Variants in KAZN observed in about 807,000 individuals in gnomAD.
KAZN encodes the protein kazrin.
KAZN carries 40 observed loss-of-function variants against 87.4 expected under a neutral mutation model. That is an observed-to-expected ratio of 0.46 (90% CI 0.36 to 0.60). The LOEUF (loss-of-function observed/expected upper bound fraction) is 0.60. Among genes scored for constraint, KAZN ranks in the 20% least tolerant of loss-of-function variants. The pLI is 0.00. For missense variants in KAZN, 898 were observed against 1,073.9 expected (o/e 0.84, Z 2.29); for synonymous variants, 466 against 458.3 (o/e 1.02, Z -0.22).
chr1:14,601,730 T>C (rs943415591), intron 1 of KAZN, among the ~76,000 whole-genome samples: 5 of 152,226 alleles, frequency 3.3e-5, no homozygotes, highest in African/African-American at 1.2e-4. Flanking sequence ...GTTTTCATTT[T>C]GTCTGTGTTG....
intron 1 of KAZN, among the ~76,000 whole-genome samples, chr1:14,030,976 T>C (rs1641304308): frequency 6.6e-6 from 1 of 152,242 alleles, no homozygotes; most frequent in African/African-American, 2.4e-5. Flanking sequence ...CATGAATTTC[T>C]TTATGTCTTT....
chr1:14,285,184 G>A (rs74057149), intron 2 of KAZN, among the ~76,000 whole-genome samples: 4,260 of 152,288 alleles, frequency 0.028, 197 homozygotes, highest in African/African-American at 0.096. Flanking sequence ...CAAGTTTAGA[G>A]GATTGTTGGG....
chr1:14,639,648 C>A (rs1680273188), intron 1 of KAZN, among the ~76,000 whole-genome samples: 1 of 152,074 alleles, frequency 6.6e-6, no homozygotes, highest in African/African-American at 2.4e-5. Flanking sequence ...TTGTAAACTT[C>A]AGCAATTTTT....
chr1:14,956,465 G>A (rs1663120249), intron 1 of KAZN, among the ~76,000 whole-genome samples: 2 of 151,984 alleles, frequency 1.3e-5, no homozygotes, highest in South Asian at 2.1e-4. Flanking sequence ...CCCAGGCGTG[G>A]TGGCGGGTTT....
intron 2 of KAZN, among the ~76,000 whole-genome samples, chr1:14,271,078 G>T (rs1557606855): frequency 6.6e-6 from 1 of 152,206 alleles, no homozygotes; most frequent in African/African-American, 2.4e-5. Context: ...CAGCAGGGTT[G>T]GCTACTCCGA....
chr1:14,669,243 G>A (rs1639765832), intron 1 of KAZN, among the ~76,000 whole-genome samples: 1 of 152,232 alleles, frequency 6.6e-6, no homozygotes, highest in East Asian at 1.9e-4. Flanking sequence ...CTGAAAAGGG[G>A]CCGTCTGGGC....
At chr1:14,646,157 G>A (rs570541178) in intron 1 of KAZN, among the ~76,000 whole-genome samples, 8 of 152,216 alleles carry the variant, frequency 5.3e-5, no homozygotes, top group South Asian at 2.1e-4. Context: ...GATAGACCCC[G>A]GCCATATCCT....
intron 2 of KAZN, among the ~76,000 whole-genome samples, chr1:14,972,414 C>T (rs747536762): frequency 1.3e-5 from 2 of 152,118 alleles, no homozygotes; most frequent in African/African-American, 2.4e-5. Flanking sequence ...AGGTCCAAGG[C>T]GGCTGTGGAC....
intron 1 of KAZN, among the ~76,000 whole-genome samples, chr1:14,607,837 G>T (rs1375031177): frequency 6.6e-6 from 1 of 152,174 alleles, no homozygotes; most frequent in Non-Finnish European, 1.5e-5. Flanking sequence ...AACTGGGGAG[G>T]CAGAGTGACT....
chr1:14,558,948 T>G (rs1674085637), intron 2 of KAZN, among the ~76,000 whole-genome samples: 1 of 152,196 alleles, frequency 6.6e-6, no homozygotes, highest in African/African-American at 2.4e-5. Context: ...ACCTTTCTCA[T>G]CTTTCCTCCT....
chr1:14,434,159 A>G (rs1666245164), intron 2 of KAZN, among the ~76,000 whole-genome samples: 1 of 152,002 alleles, frequency 6.6e-6, no homozygotes, highest in African/African-American at 2.4e-5. Context: ...AGACCCCACT[A>G]GGATCCATTT....
chr1:14,858,005 T>G (rs1650332591), intron 1 of KAZN, among the ~76,000 whole-genome samples: 1 of 152,072 alleles, frequency 6.6e-6, no homozygotes, highest in Non-Finnish European at 1.5e-5. Flanking sequence ...CCACATTCCA[T>G]CTCTATAGAT....
chr1:14,407,441 T>TG (rs951555060), intron 2 of KAZN, among the ~76,000 whole-genome samples: 1 of 151,988 alleles, frequency 6.6e-6, no homozygotes, highest in Admixed American at 6.6e-5. Flanking sequence ...TGGTGGTAAA[T>TG]GGGGGGAAAA....
At chr1:14,537,873 T>A (rs1451387231) in intron 2 of KAZN, among the ~76,000 whole-genome samples, 2 of 152,214 alleles carry the variant, frequency 1.3e-5, no homozygotes, top group Non-Finnish European at 2.9e-5. Context: ...CATGCCCTCA[T>A]GTTCAAGCCT....
chr1:14,082,413 G>A (rs1643711014), intron 1 of KAZN, among the ~76,000 whole-genome samples: 1 of 152,114 alleles, frequency 6.6e-6, no homozygotes, highest in Non-Finnish European at 1.5e-5. Flanking sequence ...GTGGAGAGCT[G>A]ACACCCTTCC....
At chr1:14,833,454 A>G (rs1477144970) in intron 1 of KAZN, among the ~76,000 whole-genome samples, 1 of 152,164 alleles carries the variant, frequency 6.6e-6, no homozygotes, top group Non-Finnish European at 1.5e-5. Flanking sequence ...AGAAGTCAAT[A>G]TAGGGTACAT....
intron 2 of KAZN, among the ~76,000 whole-genome samples, chr1:14,985,543 TAAAC>T (rs753931362): frequency 2.4e-4 from 36 of 150,290 alleles, no homozygotes; most frequent in Non-Finnish European, 3.4e-4. Context: ...AATAAATAAA[TAAAC>T]AAACAAAGAT....
intron 2 of KAZN, among the ~76,000 whole-genome samples, chr1:14,962,909 C>T (rs939569471): frequency 6.6e-6 from 1 of 152,142 alleles, no homozygotes; most frequent in African/African-American, 2.4e-5. Flanking sequence ...GAGGCTACAA[C>T]CTAGCCTCTT....
chr1:13,897,017 T>C (rs1639069881), intron 1 of KAZN, among the ~76,000 whole-genome samples: 1 of 152,234 alleles, frequency 6.6e-6, no homozygotes, highest in African/African-American at 2.4e-5. Flanking sequence ...CATGTGGTTC[T>C]TTCTCATTTA....
Sources: allele counts gnomAD v4.1 joint callset (sites outside exome capture counted in the v4.1 genomes callset), GRCh38; gene constraint gnomAD v4.1.1; transcripts MANE v1.5; gene names NCBI Gene and HGNC (gene_info 2026-07-23, HGNC 2026-07-21).